Variants in ATXN7L2 observed in about 807,000 individuals in gnomAD.
ATXN7L2 encodes the protein ataxin 7 like 2, also known as ataxin-7-like protein 2.
A neutral mutation model predicts 59.6 loss-of-function variants in ATXN7L2; 17 were observed. The observed-to-expected ratio is 0.29, with a 90% CI of 0.20 to 0.43. ATXN7L2 has a LOEUF of 0.43. Among genes scored for constraint, ATXN7L2 ranks in the 20% least tolerant of loss-of-function variants. The pLI is 1.00. For synonymous variants in ATXN7L2, 378 were observed against 392.5 expected, an observed-to-expected ratio of 0.96 and a Z score of 0.44; for missense variants, 858 against 1,008.9, an observed-to-expected ratio of 0.85 and a Z score of 2.03.
Position 109,491,383 on chromosome 1 carries a change from C to T in ATXN7L2, c.1916C>T (p.Thr639Ile). 6.2e-7 allele frequency: 1 copy of T among 1,614,270 alleles called. No homozygotes were observed. The highest frequency in any genetic ancestry group is 8.5e-7 in the Non-Finnish European group (1 of 1,180,054). Residue 639 changes from threonine to isoleucine, a missense_variant, in exon 10 of 11, where the codon ACA (threonine) becomes ATA (isoleucine). Physicochemically the swap from Thr to Ile is moderately conservative, Grantham distance 89 (BLOSUM62 -1). This residue lies in a region of ATXN7L2 where 734 missense variants were observed against 862.3 expected (regional missense o/e 0.85). Transcript: ENST00000683729. This position sits in a 1 kb window ranked among gnomAD's most constrained non-coding sequence, Gnocchi z 4.1. ...AGGGGCCTCTCGGCCAAAACTAAAA[C>T]AGCCCTGAGCATGGGGCTTAATGGG... ...GCRGLSAKTK[T>I]ALSMGLNGTM...
At position 109,489,100 on chromosome 1, in the gene ATXN7L2, G is replaced by A. The variant is rs1472424939; in HGVS notation, c.1133G>A (p.Arg378Lys). 1 of 1,610,598 alleles carries A rather than the reference G, an allele frequency of 6.2e-7. No homozygotes were observed. The highest frequency in any genetic ancestry group is 8.5e-7 in the Non-Finnish European group (1 of 1,177,316). Residue 378 changes from arginine (R) to lysine (K), a missense_variant and splice_region_variant, in exon 7 of 11, where the codon AGG becomes AAG. Coordinates refer to ENST00000683729, the MANE Select transcript of ATXN7L2 (RefSeq NM_001350175.2). ...KQTYPYCALPRSRASSESELD... is the reference protein window; with the variant it reads ...KQTYPYCALPKSRASSESELD... ...ACCTACCCATACTGTGCACTGCCCA[G>A]GTACGTCTAGAATCCAACCCCTACC...
rs1277384243 is a variant in ATXN7L2, at chr1:109,490,068, T to A, written c.1272T>A (p.Ser424=). The A allele has an allele frequency of 6.2e-7, 1 of 1,604,248 alleles. No individual in the cohort carries two copies. The highest frequency in any genetic ancestry group is 8.5e-7 in the Non-Finnish European group (1 of 1,174,786). Residue 424 remains serine, a synonymous_variant, in exon 8 of 11, where the codon TCT becomes TCA. Transcript: ENST00000683729. ...AAGAGAGTGAGGAGGAGGGGACATC[T>A]GACGACCTCCACCCACCCCCTGACT... ...SSEESEEEGT[S]DDLHPPPDCH...
chr1:109,486,683 T>C lies in ATXN7L2; in HGVS notation c.298+73T>C. The C allele has an allele frequency of 1.5e-6, 2 of 1,339,412 alleles. No individual in the cohort carries two copies. Among genetic ancestry groups the C allele is most frequent in the Non-Finnish European group, 2.1e-6 (2 of 943,054 alleles). The allele number at this position is 1,339,412 out of a possible 1,614,324, so 83.0% of individuals were successfully genotyped here. A position where few individuals can be genotyped will look rare whatever the true frequency, so the allele number is the denominator to read the frequency against. On this transcript the variant is annotated intron_variant, in intron 3 of 10. Coordinates refer to ENST00000683729, the MANE Select transcript of ATXN7L2 (RefSeq NM_001350175.2). The surrounding 1 kb of genome is among the most constrained non-coding windows in gnomAD (Gnocchi z 4.3). ...CATGGAACTCTGAGGACAGGGTCAG[T>C]TGGGAGGTCTCGTAGGGTAATGGAG...
chr1:109,489,747 C>CT (rs1656883831), intron 7 of ATXN7L2, 183 bp from the exon 8 acceptor site: 1 of 656,454 alleles, frequency 1.5e-6, no homozygotes, highest in South Asian at 1.8e-5. Context: ...AGCAGTCTCT[C>CT]TGTCTCTTAC....
At chr1:109,492,552 C>A in intron 10 of ATXN7L2, 34 bp from the exon 11 acceptor site, 1 of 1,613,928 alleles carries the variant, frequency 6.2e-7, no homozygotes, top group Non-Finnish European at 8.5e-7. Flanking sequence ...GGCCCCCACC[C>A]TGACCCTTTC....
Position 109,491,765 on chromosome 1 carries a change from G to T in ATXN7L2, c.2250+48G>T, listed in dbSNP as rs759742862. On this transcript the variant is annotated intron_variant, in intron 10 of 10. Coordinates refer to ENST00000683729, the MANE Select transcript of ATXN7L2 (RefSeq NM_001350175.2). This position sits in a 1 kb window ranked among gnomAD's most constrained non-coding sequence, Gnocchi z 4.1. ...ATTGATGAGGGTGGGGCACACAGGG[G>T]GTACCTGATACAGAGAAGATGCTAC... is the stretch of plus-strand genomic sequence containing the variant. 2.7e-6 allele frequency: 4 copies of T among 1,500,432 alleles called. No homozygotes were observed. The highest frequency in any genetic ancestry group is 2.8e-5 in the African/African-American group (2 of 71,612). The allele number at this position is 1,500,432 out of a possible 1,614,324, so 92.9% of individuals were successfully genotyped here.
Position 109,491,135 on chromosome 1 carries a change from G to C in ATXN7L2, c.1668G>C (p.Glu556Asp), listed in dbSNP as rs778507767. 4 of 1,613,578 alleles carry C rather than the reference G, an allele frequency of 2.5e-6. No individual in the cohort carries two copies. In the South Asian group the frequency reaches 4.4e-5, roughly 18 times the overall value. The change falls in exon 10 of 11, where the codon GAG becomes GAC. Residue 556 changes from glutamate to aspartate, a missense_variant. Glu to Asp is a conservative substitution (Grantham distance 45, BLOSUM62 2). Coordinates refer to ENST00000683729, the MANE Select transcript of ATXN7L2 (RefSeq NM_001350175.2). The surrounding 1 kb of genome is among the most constrained non-coding windows in gnomAD (Gnocchi z 4.1). Reference sequence around the variant, plus strand: ...TGGCGGCTGCCTGTAGCCAGGCAGAGTGCATGGGCGGGAGCCAGGCTATCA... The same window carrying C: ...TGGCGGCTGCCTGTAGCCAGGCAGACTGCATGGGCGGGAGCCAGGCTATCA... Reference protein sequence around the residue: ...PSVAAACSQAECMGGSQAITS... With the variant: ...PSVAAACSQADCMGGSQAITS...
Position 109,486,683 on chromosome 1 carries a change from T to G in ATXN7L2, c.298+73T>G, listed in dbSNP as rs959672808. The G allele has an allele frequency of 2.2e-6, 3 of 1,339,412 alleles. No homozygotes were observed. The highest frequency in any genetic ancestry group is 1.4e-5 in the African/African-American group (1 of 69,426). The allele number at this position is 1,339,412 out of a possible 1,614,324, so 83.0% of individuals were successfully genotyped here. ...CATGGAACTCTGAGGACAGGGTCAG[T>G]TGGGAGGTCTCGTAGGGTAATGGAG... is the stretch of plus-strand genomic sequence containing the variant. On this transcript the variant is annotated intron_variant, in intron 3 of 10. Coordinates refer to ENST00000683729, the MANE Select transcript of ATXN7L2 (RefSeq NM_001350175.2). The surrounding 1 kb of genome is among the most constrained non-coding windows in gnomAD (Gnocchi z 4.3).
rs1657030688 is a variant in ATXN7L2 at position 109,491,154 on chromosome 1, G to A, written c.1687G>A (p.Ala563Thr). The A allele has an allele frequency of 6.2e-7, 1 of 1,613,514 alleles. No homozygotes were observed. Among genetic ancestry groups the A allele is most frequent in the African/African-American group, 1.3e-5 (1 of 74,942 alleles). Residue 563 changes from alanine (A) to threonine (T), a missense_variant, in exon 10 of 11, where the codon GCT becomes ACT. This residue lies in a region of ATXN7L2 where 734 missense variants were observed against 862.3 expected (regional missense o/e 0.85). Transcript: ENST00000683729. This position sits in a 1 kb window ranked among gnomAD's most constrained non-coding sequence, Gnocchi z 4.1. ...SQAECMGGSQ[A>T]ITSPLPANTP... ...GGCAGAGTGCATGGGCGGGAGCCAGGCTATCACCTCACCACTGCCTGCCAA... is the reference window on the plus strand; with the variant it reads ...GGCAGAGTGCATGGGCGGGAGCCAGACTATCACCTCACCACTGCCTGCCAA...
At chr1:109,484,146 C>T in intron 1 of ATXN7L2, 66 bp downstream of exon 1, 1 of 1,312,674 alleles carries the variant, frequency 7.6e-7, no homozygotes, top group Non-Finnish European at 9.8e-7. Flanking sequence ...TCCGGGCCCC[C>T]GCCAGCTGAG....
Position 109,488,461 on chromosome 1 carries a change from GC to G in ATXN7L2, c.876del (p.Cys292Ter). ...TKKICTRLLT[C>X]KIHSVHQRRE... Reference sequence around the variant, plus strand: ...AAGATCTGTACCCGCCTGTTGACCTGCAAGGTAACCCCCTTCCCACTGCACG... The same window carrying G: ...AAGATCTGTACCCGCCTGTTGACCTGAAGGTAACCCCCTTCCCACTGCACG... On this transcript the variant is annotated frameshift_variant, in exon 6 of 11. Coordinates refer to ENST00000683729, the MANE Select transcript of ATXN7L2 (RefSeq NM_001350175.2). LOFTEE classifies it high-confidence loss of function. This position sits in a 1 kb window ranked among gnomAD's most constrained non-coding sequence, Gnocchi z 5.0. 1 of 1,608,450 alleles carries G rather than the reference GC, an allele frequency of 6.2e-7. No individual in the cohort carries two copies. Among genetic ancestry groups the G allele is most frequent in the Non-Finnish European group, 8.5e-7 (1 of 1,176,662 alleles).
chr1:109,484,038 TG>T lies in ATXN7L2; in HGVS notation c.87del (p.Trp29Ter). On this transcript the variant is annotated frameshift_variant, in exon 1 of 11. Transcript: ENST00000683729. LOFTEE classifies it high-confidence loss of function. ...TCTCGATGACTTCGCGGGACAGAGC[TG>T]GAGCTCGTGGGTGGAGCGGGCCGAC... ...PSLDDFAGQS[W>X]SSWVERADLP... The T allele has an allele frequency of 6.6e-7, 1 of 1,510,048 alleles. No individual in the cohort carries two copies. Among genetic ancestry groups the T allele is most frequent in the Admixed American group, 2.0e-5 (1 of 48,942 alleles). The allele number at this position is 1,510,048 out of a possible 1,614,324, so 93.5% of individuals were successfully genotyped here. A position where few individuals can be genotyped will look rare whatever the true frequency, so the allele number is the denominator to read the frequency against.
At chr1:109,490,209 T>C (rs1344220683) in intron 8 of ATXN7L2, 62 bp from the exon 9 acceptor site, 12 of 1,593,358 alleles carry the variant, frequency 7.5e-6, no homozygotes, top group Non-Finnish European at 1.0e-5. Flanking sequence ...CCAGATCCTG[T>C]GTGCAGATGC....
At chr1:109,492,762 T>C, downstream of ATXN7L2, 2 of 812,728 alleles carry the variant, frequency 2.5e-6, no homozygotes, top group Non-Finnish European at 3.7e-6. Flanking sequence ...GTTGCTGCTA[T>C]GAAAATATAA....
chr1:109,489,581 G>T (rs1020239949), intron 7 of ATXN7L2: 18 of 378,972 alleles, frequency 4.7e-5, no homozygotes, highest in African/African-American at 3.5e-4. Context: ...AGGAATATGT[G>T]ATGCAAGAAG....
In ATXN7L2 at chr1:109,491,425, T is replaced by G; in HGVS notation, c.1958T>G (p.Val653Gly). The change falls in exon 10 of 11, where the codon GTG (valine) becomes GGG (glycine). Residue 653 changes from valine to glycine, a missense_variant. Around this residue, in one of 3 missense-constraint regions of ATXN7L2, gnomAD observed 734 missense variants for 862.3 expected, o/e 0.85. Coordinates refer to ENST00000683729, the MANE Select transcript of ATXN7L2 (RefSeq NM_001350175.2). This position sits in a 1 kb window ranked among gnomAD's most constrained non-coding sequence, Gnocchi z 4.1. ...MGLNGTMGPR[V>G]KRAGPLDCRG... ...CTTAATGGGACAATGGGGCCAAGAG[T>G]GAAGCGGGCAGGGCCCCTGGACTGT... 6.2e-7 allele frequency: 1 copy of G among 1,613,908 alleles called. No individual in the cohort carries two copies. The highest frequency in any genetic ancestry group is 1.1e-5 in the South Asian group (1 of 91,076).
chr1:109,484,129 C>A, intron 1 of ATXN7L2, 49 bp downstream of exon 1: 9 of 1,380,956 alleles, frequency 6.5e-6, no homozygotes, highest in South Asian at 1.6e-5. Context: ...TATCTCCCCT[C>A]CCCCCTTCCG....
Position 109,491,498 on chromosome 1 carries a change from G to A in ATXN7L2, c.2031G>A (p.Leu677=). The change falls in exon 10 of 11, where the codon CTG becomes CTA. Residue 677 remains leucine, a synonymous_variant. Coordinates refer to ENST00000683729, the MANE Select transcript of ATXN7L2 (RefSeq NM_001350175.2). This position sits in a 1 kb window ranked among gnomAD's most constrained non-coding sequence, Gnocchi z 4.1. ...QLPTPVKASQ[L]ENRGAAGHPA... The stretch of plus-strand genomic sequence containing the variant: ...CCACACCAGTCAAGGCTTCTCAGCT[G>A]GAGAACCGGGGAGCAGCTGGACACC... 6.2e-7 allele frequency: 1 copy of A among 1,613,956 alleles called. No individual in the cohort carries two copies. Among genetic ancestry groups the A allele is most frequent in the Non-Finnish European group, 8.5e-7 (1 of 1,180,034 alleles).
rs146456617 is a variant in ATXN7L2, at chr1:109,488,241, C to G, written c.797-142C>G. ...GAGATGTTGATGCCCAGAAGTTTAT[C>G]TGGAAGGTACAGCCCCAGGCTGAGG... On this transcript the variant is annotated intron_variant, in intron 5 of 10. Transcript: ENST00000683729. The surrounding 1 kb of genome is among the most constrained non-coding windows in gnomAD (Gnocchi z 5.0). 2.0e-3 allele frequency: 1,586 copies of G among 786,212 alleles called. 9 individuals are homozygous for G. Among genetic ancestry groups the G allele is most frequent in the South Asian group, 2.6e-3 (167 of 64,202 alleles). 48.7% of individuals were successfully genotyped at this position (786,212 alleles called of 1,614,324 possible).
Sources: gnomAD v4.1 joint callset for allele counts on GRCh38, gnomAD v4.1.1 for gene constraint, gnomAD v4.1.1 regional missense constraint, Gnocchi (gnomAD v3.1) non-coding constraint, MANE v1.5 for transcripts, NCBI Gene and HGNC (gene_info 2026-07-23, HGNC 2026-07-21) for gene names.